The following TRUB1 variants were observed in gnomAD, a reference collection of about 807,000 sequenced individuals.
The protein encoded by TRUB1 is pseudouridylate synthase TRUB1.
A neutral mutation model predicts 33.9 loss-of-function variants in TRUB1; 23 were observed. The observed-to-expected ratio is 0.68, with a 90% CI of 0.49 to 0.96. TRUB1 has a LOEUF of 0.96. Ranked by LOEUF, TRUB1 falls within the 40% of genes least tolerant of loss-of-function variation. TRUB1 has a pLI of 0.00. For synonymous variants in TRUB1, 163 were observed against 165.4 expected (o/e 0.99, Z 0.11); for missense variants, 378 against 422.2 (o/e 0.90, Z 0.92).
In TRUB1 at chr10:114,939,821, C is replaced by CTTTT. The variant is rs199856592; in HGVS notation, c.286+1283_286+1286dup. 1.3e-4 allele frequency among the ~76,000 whole-genome samples: 13 copies of CTTTT among 103,476 alleles called. 2 individuals carry two copies. Among genetic ancestry groups the CTTTT allele is most frequent in the Non-Finnish European group, 2.0e-4 (10 of 49,894 alleles). The allele number at this position is 103,476 out of a possible 152,430, so 67.9% of individuals were successfully genotyped here. On this transcript the variant is annotated intron_variant, in intron 1 of 7. Transcript: ENST00000298746. ...GATTTGTTAGCTAAACTCTGGGTTT[C>CTTTT]TTTTCTTTTTTTTTTTTTTTTATCC...
Position 114,961,851 on chromosome 10 carries a change from G to A in TRUB1, c.523+2044G>A, listed in dbSNP as rs73372657. Among the ~76,000 whole-genome samples the A allele has an allele frequency of 3.2e-3, 486 of 152,274 alleles. 2 individuals carry two copies. The highest frequency in any genetic ancestry group is 0.011 in the African/African-American group (451 of 41,556). ...AGCTTGTGTCCTTAAGGAACTTACT[G>A]TCTAATGGAGAACTCTGACCAATAT... On this transcript the variant is annotated intron_variant, in intron 4 of 7. Transcript: ENST00000298746.
chr10:114,976,173 A>G lies in TRUB1; in HGVS notation c.*794A>G, dbSNP rs1220704797. 4.6e-5 allele frequency: 7 copies of G among 152,712 alleles called. No individual in the cohort carries two copies. The East Asian group carries it at 1.3e-3, about 29-fold the overall frequency. The allele number at this position is 152,712 out of a possible 1,614,324, so 9.5% of individuals were successfully genotyped here. On this transcript the variant is annotated 3_prime_UTR_variant, in exon 8 of 8. Coordinates refer to ENST00000298746, the MANE Select transcript of TRUB1 (RefSeq NM_139169.5). The stretch of plus-strand genomic sequence containing the variant: ...AAGTAACATAATTTTTAAAATTTAA[A>G]GAATGTGTCTTCAACTAAAAACTTT...
At chr10:114,945,304 A>G (rs1173691346) in intron 2 of TRUB1, among the ~76,000 whole-genome samples, 2 of 152,170 alleles carry the variant, frequency 1.3e-5, no homozygotes, top group African/African-American at 4.8e-5. Flanking sequence ...TTAGGGCTTC[A>G]TGATTCTTAC....
intron 3 of TRUB1, among the ~76,000 whole-genome samples, chr10:114,953,101 A>G (rs1306211323): frequency 6.6e-6 from 1 of 152,218 alleles, no homozygotes; most frequent in East Asian, 1.9e-4. Context: ...AGCACACTAT[A>G]TATTACTGAA....
chr10:114,964,302 C>T (rs1029953393), intron 4 of TRUB1, among the ~76,000 whole-genome samples: 4 of 150,048 alleles, frequency 2.7e-5, no homozygotes, highest in Non-Finnish European at 5.9e-5. Flanking sequence ...CTGTTCAGGT[C>T]TCTTACCCAT....
chr10:114,975,451 G>A lies in TRUB1; in HGVS notation c.*72G>A, dbSNP rs1251735887. On this transcript the variant is annotated 3_prime_UTR_variant, in exon 8 of 8. Coordinates refer to ENST00000298746, the MANE Select transcript of TRUB1 (RefSeq NM_139169.5). ...GTGTGCAGATGCAGAATGACAAGCT[G>A]CATTCAAAAGACAAACAATATGTCT... 7 of 1,378,132 alleles carry A rather than the reference G, an allele frequency of 5.1e-6. No individual in the cohort carries two copies. Among genetic ancestry groups the A allele is most frequent in the Non-Finnish European group, 4.8e-6 (5 of 1,042,272 alleles). The allele number at this position is 1,378,132 out of a possible 1,614,324, so 85.4% of individuals were successfully genotyped here. A position where few individuals can be genotyped will look rare whatever the true frequency, so the allele number is the denominator to read the frequency against.
At position 114,938,249 on chromosome 10, in the gene TRUB1, A is replaced by T. The variant is rs756215966; in HGVS notation, c.-5A>T. Reference sequence around the variant, plus strand: ...CACGATGAAACAGGTCTGGGCTACAAAAGTATGGCCGCTTCTGAGGCGGCG... The same window carrying T: ...CACGATGAAACAGGTCTGGGCTACATAAGTATGGCCGCTTCTGAGGCGGCG... On this transcript the variant is annotated 5_prime_UTR_variant, in exon 1 of 8. An upstream open reading frame in the 5' UTR gains an earlier in-frame stop. Transcript: ENST00000298746. 3 of 1,613,704 alleles carry T rather than the reference A, an allele frequency of 1.9e-6. No individual in the cohort carries two copies. Among genetic ancestry groups the T allele is most frequent in the Non-Finnish European group, 2.5e-6 (3 of 1,179,952 alleles).
intron 4 of TRUB1, among the ~76,000 whole-genome samples, chr10:114,966,510 T>G (rs532206932): frequency 1.3e-5 from 2 of 152,322 alleles, no homozygotes; most frequent in African/African-American, 4.8e-5. Context: ...TCAATTTTTA[T>G]GCACACACAC....
At chr10:114,964,352 A>T (rs1019199813) in intron 4 of TRUB1, among the ~76,000 whole-genome samples, 9 of 151,348 alleles carry the variant, frequency 5.9e-5, no homozygotes, top group Non-Finnish European at 1.2e-4. Context: ...CCTTTTTCTT[A>T]TACATTTGTA....
At chr10:114,957,181 A>G (rs1326447730) in intron 3 of TRUB1, among the ~76,000 whole-genome samples, 2 of 152,232 alleles carry the variant, frequency 1.3e-5, no homozygotes, top group African/African-American at 4.8e-5. Flanking sequence ...GGGAAACTCT[A>G]GCTGAGAGTT....
At chr10:114,960,762 C>T (rs1329961286) in intron 4 of TRUB1, among the ~76,000 whole-genome samples, 1 of 152,004 alleles carries the variant, frequency 6.6e-6, no homozygotes, top group Non-Finnish European at 1.5e-5. Context: ...TAAATAATAG[C>T]AGACCCTCAC....
chr10:114,975,079 A>C, intron 7 of TRUB1, 44 bp from the exon 8 acceptor site: 1 of 1,568,534 alleles, frequency 6.4e-7, no homozygotes. Context: ...GAAATACTGA[A>C]TCGTTTATCT....
intron 4 of TRUB1, among the ~76,000 whole-genome samples, chr10:114,963,834 AAT>A (rs2084294729): frequency 6.6e-6 from 1 of 152,188 alleles, no homozygotes; most frequent in Non-Finnish European, 1.5e-5. Context: ...CCACTGTGTG[AAT>A]ATACTACACA....
chr10:114,973,305 A>G (rs777567911), intron 6 of TRUB1, among the ~76,000 whole-genome samples: 12 of 152,176 alleles, frequency 7.9e-5, no homozygotes, highest in Non-Finnish European at 1.6e-4. Flanking sequence ...AAAAACTCAG[A>G]TTTTTCAGAT....
chr10:114,973,151 A>C (rs549249429), intron 6 of TRUB1, among the ~76,000 whole-genome samples: 1 of 152,304 alleles, frequency 6.6e-6, no homozygotes, highest in East Asian at 1.9e-4. Flanking sequence ...CCATTAGAAA[A>C]AAAAAGTCAC....
At chr10:114,953,814 A>T (rs1314045223) in intron 3 of TRUB1, among the ~76,000 whole-genome samples, 1 of 152,082 alleles carries the variant, frequency 6.6e-6, no homozygotes, top group East Asian at 1.9e-4. Flanking sequence ...TGAGAGAGGG[A>T]GTGACAGAGA....
At chr10:114,958,304 AT>A (rs1328967103) in intron 3 of TRUB1, among the ~76,000 whole-genome samples, 5 of 152,162 alleles carry the variant, frequency 3.3e-5, no homozygotes, top group African/African-American at 1.2e-4. Context: ...CAAAAAACTA[AT>A]TTTTGTCAAT....
At chr10:114,960,812 T>A (rs2084281898) in intron 4 of TRUB1, among the ~76,000 whole-genome samples, 1 of 152,090 alleles carries the variant, frequency 6.6e-6, no homozygotes, top group Non-Finnish European at 1.5e-5. Flanking sequence ...CAGAAGACTT[T>A]AAGATTAAGG....
At chr10:114,952,016 T>A (rs991752342) in intron 3 of TRUB1, among the ~76,000 whole-genome samples, 2 of 152,238 alleles carry the variant, frequency 1.3e-5, no homozygotes, top group Non-Finnish European at 2.9e-5. Flanking sequence ...TGATGACTTT[T>A]GTAAAATATA....
Sources: gnomAD v4.1 joint callset for allele counts (sites outside exome capture counted in the v4.1 genomes callset) on GRCh38, gnomAD v4.1.1 for gene constraint, MANE v1.5 for transcripts, NCBI Gene and HGNC (gene_info 2026-07-23, HGNC 2026-07-21) for gene names.